The following CXCL13 variants were observed in gnomAD, a reference collection of about 807,000 sequenced individuals.
CXCL13 encodes the protein C-X-C motif chemokine 13.
A neutral mutation model predicts 12.2 loss-of-function variants in CXCL13; 7 were observed. The observed-to-expected ratio is 0.57, with a 90% confidence interval of 0.33 to 1.07. The LOEUF is 1.07. Among genes scored for constraint, CXCL13 ranks in the 50% least tolerant of loss-of-function variants. The pLI is 0.04. For synonymous variants in CXCL13, 47 were observed against 42.4 expected, an observed-to-expected ratio of 1.11 and a Z score of -0.42; for missense variants, 113 against 127.4, an observed-to-expected ratio of 0.89 and a Z score of 0.55.
chr4:77,529,166 G>A (rs959166459), intron 1 of CXCL13, among the ~76,000 whole-genome samples: 2 of 152,172 alleles, frequency 1.3e-5, no homozygotes, highest in African/African-American at 4.8e-5. Context: ...GTACCATGCT[G>A]TTTTGGTTAC....
upstream of CXCL13, among the ~76,000 whole-genome samples, chr4:77,601,679 G>T (rs1026245674): frequency 2.0e-5 from 3 of 152,166 alleles, no homozygotes; most frequent in African/African-American, 7.2e-5. Flanking sequence ...ACTTTTTCAT[G>T]TACTTCACGT....
At chr4:77,530,192 G>A (rs974247780) in intron 1 of CXCL13, among the ~76,000 whole-genome samples, 1 of 152,072 alleles carries the variant, frequency 6.6e-6, no homozygotes, top group Non-Finnish European at 1.5e-5. Flanking sequence ...ATTTTATTGA[G>A]GATTTTTGCA....
intron 1 of CXCL13, among the ~76,000 whole-genome samples, chr4:77,540,927 T>C (rs113877132): frequency 0.038 from 5,848 of 152,224 alleles, 378 homozygotes; most frequent in African/African-American, 0.13. Context: ...TGTTAGTTTT[T>C]GACTTTTAAT....
At chr4:77,569,366 A>C (rs1052354465) in intron 1 of CXCL13, among the ~76,000 whole-genome samples, 15 of 152,198 alleles carry the variant, frequency 9.9e-5, no homozygotes, top group Non-Finnish European at 2.1e-4. Context: ...CTAGAAAACC[A>C]CATAATCTCA....
chr4:77,547,670 G>T (rs1378529403), intron 1 of CXCL13, among the ~76,000 whole-genome samples: 1 of 152,090 alleles, frequency 6.6e-6, no homozygotes, highest in Non-Finnish European at 1.5e-5. Flanking sequence ...ACACTGATGG[G>T]TCTTGACTCT....
intron 1 of CXCL13, among the ~76,000 whole-genome samples, chr4:77,578,467 C>T (rs1458840765): frequency 6.6e-6 from 1 of 152,136 alleles, no homozygotes; most frequent in East Asian, 1.9e-4. Context: ...ATGATAGATG[C>T]AGGAGGCAGA....
chr4:77,569,372 T>C (rs892348984), intron 1 of CXCL13, among the ~76,000 whole-genome samples: 2 of 152,136 alleles, frequency 1.3e-5, no homozygotes, highest in African/African-American at 4.8e-5. Context: ...AACCACATAA[T>C]CTCAGCCCAA....
rs193031950 is a variant in CXCL13 at position 77,570,048 on chromosome 4, G to T, written c.-42-35776G>T. ...AAAAGGACTCCCTATTCAATAAATG[G>T]TACTGGGATAACTGGTAAGCCATAT... On this transcript the variant is annotated intron_variant, in intron 1 of 4. Coordinates refer to the CXCL13 transcript ENST00000286758. Among the ~76,000 whole-genome samples the T allele has an allele frequency of 1.6e-3, 249 of 152,298 alleles. 2 individuals carry two copies. Among genetic ancestry groups the T allele is most frequent in the African/African-American group, 5.7e-3 (236 of 41,572 alleles).
At chr4:77,513,011 G>A (rs371809593) in intron 1 of CXCL13, among the ~76,000 whole-genome samples, 1 of 152,078 alleles carries the variant, frequency 6.6e-6, no homozygotes, top group Non-Finnish European at 1.5e-5. Flanking sequence ...TCCCACCTAT[G>A]AGTGAGAACA....
At chr4:77,533,027 C>T (rs1170776686) in intron 1 of CXCL13, among the ~76,000 whole-genome samples, 1 of 137,502 alleles carries the variant, frequency 7.3e-6, no homozygotes, top group Non-Finnish European at 1.5e-5. Flanking sequence ...AAGTCTTCTT[C>T]TCTCAAATCA....
At position 77,525,535 on chromosome 4, in the gene CXCL13, T is replaced by C. The variant is rs577884663; in HGVS notation, c.-43+13747T>C. ...GTTAGTATTTTTCTATGAATCTTGATTAATACTGTCTATTAGCTCTCATGG... is the reference window on the plus strand; with the variant it reads ...GTTAGTATTTTTCTATGAATCTTGACTAATACTGTCTATTAGCTCTCATGG... On this transcript the variant is annotated intron_variant, in intron 1 of 4. Transcript: ENST00000286758. 3.3e-5 allele frequency among the ~76,000 whole-genome samples: 5 copies of C among 152,322 alleles called. No individual in the cohort carries two copies. In the East Asian group the frequency reaches 9.6e-4, roughly 29 times the overall value.
intron 1 of CXCL13, among the ~76,000 whole-genome samples, chr4:77,557,055 G>T (rs1458717309): frequency 6.6e-6 from 1 of 151,288 alleles, no homozygotes; most frequent in Non-Finnish European, 1.5e-5. Context: ...AGAGAGAAAA[G>T]AAAAATGGGA....
At chr4:77,569,142 A>G (rs997110099) in intron 1 of CXCL13, among the ~76,000 whole-genome samples, 8 of 152,166 alleles carry the variant, frequency 5.3e-5, no homozygotes. Flanking sequence ...TCTATGACAA[A>G]CCCACAGCCA....
intron 1 of CXCL13, among the ~76,000 whole-genome samples, chr4:77,561,722 G>T (rs1225743671): frequency 1.3e-5 from 2 of 152,222 alleles, no homozygotes; most frequent in Non-Finnish European, 2.9e-5. Context: ...GTGATGGTGT[G>T]CTGGCAGCCC....
chr4:77,516,042 CT>C (rs1227316941), intron 1 of CXCL13, among the ~76,000 whole-genome samples: 4 of 152,224 alleles, frequency 2.6e-5, no homozygotes, highest in Middle Eastern at 3.4e-3. Context: ...TGTCAAAGGC[CT>C]TTTCTGCATC....
intron 1 of CXCL13, among the ~76,000 whole-genome samples, chr4:77,572,180 C>A (rs1211243140): frequency 6.6e-6 from 1 of 151,886 alleles, no homozygotes; most frequent in Non-Finnish European, 1.5e-5. Context: ...GTGGGTGGAT[C>A]ACCTGAGGTC....
intron 1 of CXCL13, among the ~76,000 whole-genome samples, chr4:77,600,008 T>C (rs1027249991): frequency 2.0e-5 from 3 of 152,172 alleles, no homozygotes; most frequent in African/African-American, 4.8e-5. Context: ...ATAACTTCCC[T>C]GGTTTTTAAG....
At chr4:77,518,513 T>C (rs1017896319) in intron 1 of CXCL13, among the ~76,000 whole-genome samples, 2 of 152,218 alleles carry the variant, frequency 1.3e-5, no homozygotes, top group Non-Finnish European at 2.9e-5. Context: ...CTTTTTTCTC[T>C]AAACTTCCCT....
At chr4:77,522,686 A>G (rs1015800557) in intron 1 of CXCL13, among the ~76,000 whole-genome samples, 1 of 151,564 alleles carries the variant, frequency 6.6e-6, no homozygotes, top group South Asian at 2.1e-4. Flanking sequence ...GTGTGTTTTA[A>G]TTGGGGCATT....
Sources: gnomAD v4.1 joint callset for allele counts (sites outside exome capture counted in the v4.1 genomes callset) on GRCh38, gnomAD v4.1.1 for gene constraint, MANE v1.5 for transcripts, NCBI Gene and HGNC (gene_info 2026-07-23, HGNC 2026-07-21) for gene names.